Variants in PRKN observed in about 807,000 individuals in gnomAD.
PRKN encodes E3 ubiquitin-protein ligase parkin.
A neutral mutation model predicts 59.5 loss-of-function variants in PRKN; 56 were observed. That is an observed-to-expected ratio of 0.94 (90% CI 0.76 to 1.18). The LOEUF (loss-of-function observed/expected upper bound fraction) is 1.18. Among genes scored for constraint, PRKN ranks in the 50% most tolerant of loss-of-function variants. The pLI is 0.00. For missense variants in PRKN, 657 were observed against 596.4 expected (o/e 1.10, Z -1.06); for synonymous variants, 250 against 222.1 (o/e 1.13, Z -1.12).
chr6:162,439,049 T>A (rs2128165994), intron 2 of PRKN, among the ~76,000 whole-genome samples: 1 of 152,276 alleles, frequency 6.6e-6, no homozygotes, highest in East Asian at 1.9e-4. Flanking sequence ...CTGACTCTTT[T>A]CTCTGTTCCT....
chr6:162,562,534 T>G lies in PRKN; in HGVS notation c.8-119061A>C, dbSNP rs909750230. Among the ~76,000 whole-genome samples, 3 of 152,216 alleles carry G rather than the reference T, an allele frequency of 2.0e-5. No individual in the cohort carries two copies. In the South Asian group the frequency reaches 6.2e-4, roughly 32 times the overall value. Reference sequence around the variant, plus strand: ...AGCTGACTTAAGAGCCTTTGGGCCTTAAGGGAACATCAGGGCTAGTCTGGC... The same window carrying G: ...AGCTGACTTAAGAGCCTTTGGGCCTGAAGGGAACATCAGGGCTAGTCTGGC... On this transcript the variant is annotated intron_variant, in intron 1 of 11. Coordinates refer to ENST00000366898, the MANE Select transcript of PRKN (RefSeq NM_004562.3).
intron 9 of PRKN, among the ~76,000 whole-genome samples, chr6:161,439,814 T>C (rs927222211): frequency 1.3e-5 from 2 of 152,152 alleles, no homozygotes; most frequent in South Asian, 2.1e-4. Flanking sequence ...TACCACATCA[T>C]TGAGTTTAAT....
chr6:161,689,715 AT>A (rs568895291), intron 7 of PRKN, among the ~76,000 whole-genome samples: 49 of 149,452 alleles, frequency 3.3e-4, no homozygotes, highest in African/African-American at 3.7e-4. Flanking sequence ...ATAAAGAAAA[AT>A]TTTTTTTTTT....
At chr6:162,289,318 C>T (rs1268319683) in intron 2 of PRKN, among the ~76,000 whole-genome samples, 2 of 152,150 alleles carry the variant, frequency 1.3e-5, no homozygotes, top group Non-Finnish European at 1.5e-5. Flanking sequence ...GATTAAGGCC[C>T]AGCCTAATGA....
chr6:162,604,491 C>T (rs953107523), intron 1 of PRKN, among the ~76,000 whole-genome samples: 2 of 152,148 alleles, frequency 1.3e-5, no homozygotes, highest in African/African-American at 4.8e-5. Flanking sequence ...TTATCATCTA[C>T]CATATATGTT....
At position 161,529,321 on chromosome 6, in the gene PRKN, C is replaced by T. The variant is rs1268591746; in HGVS notation, c.1083+19533G>A. ...CTGACGGCTGTGTCCCTCCAGCTGCCTCACCTGGGGCCGCAGTAAGCACCA... is the reference window on the plus strand; with the variant it reads ...CTGACGGCTGTGTCCCTCCAGCTGCTTCACCTGGGGCCGCAGTAAGCACCA... On this transcript the variant is annotated intron_variant, in intron 9 of 11. Transcript: ENST00000366898. This position sits in a 1 kb window ranked among gnomAD's most constrained non-coding sequence, Gnocchi z 4.4. 6.6e-6 allele frequency among the ~76,000 whole-genome samples: 1 copy of T among 152,100 alleles called. No homozygotes were observed. Among genetic ancestry groups the T allele is most frequent in the Non-Finnish European group, 1.5e-5 (1 of 68,032 alleles).
chr6:161,506,583 C>A (rs1778179680), intron 9 of PRKN, among the ~76,000 whole-genome samples: 1 of 152,176 alleles, frequency 6.6e-6, no homozygotes, highest in African/African-American at 2.4e-5. Flanking sequence ...GATTGAATGA[C>A]TGCTCTGGGC....
chr6:162,514,150 G>C (rs938596519), intron 1 of PRKN, among the ~76,000 whole-genome samples: 3 of 151,918 alleles, frequency 2.0e-5, no homozygotes, highest in African/African-American at 7.3e-5. Flanking sequence ...TTTTGCAGTA[G>C]ACAAAAAAAT....
chr6:161,838,564 A>G (rs1387858718), intron 6 of PRKN, among the ~76,000 whole-genome samples: 1 of 152,226 alleles, frequency 6.6e-6, no homozygotes, highest in Admixed American at 6.5e-5. Flanking sequence ...TTCAGGCCTC[A>G]GCCTGGATGT....
intron 1 of PRKN, among the ~76,000 whole-genome samples, chr6:162,598,975 T>C (rs1781594560): frequency 6.6e-6 from 1 of 151,892 alleles, no homozygotes; most frequent in Non-Finnish European, 1.5e-5. Context: ...CGTTCAAGAA[T>C]GTAGGTATCA....
chr6:162,293,862 T>C (rs1377708812), intron 2 of PRKN, among the ~76,000 whole-genome samples: 1 of 152,052 alleles, frequency 6.6e-6, no homozygotes, highest in Non-Finnish European at 1.5e-5. Flanking sequence ...GTATTTTTAG[T>C]AGAGATGGGG....
At chr6:161,724,712 G>T (rs575443703) in intron 7 of PRKN, among the ~76,000 whole-genome samples, 1 of 152,286 alleles carries the variant, frequency 6.6e-6, no homozygotes, top group East Asian at 1.9e-4. Context: ...TCTGGGACCA[G>T]TTATATACCC....
At chr6:162,504,739 G>A (rs1423798894) in intron 1 of PRKN, among the ~76,000 whole-genome samples, 1 of 152,088 alleles carries the variant, frequency 6.6e-6, no homozygotes, top group African/African-American at 2.4e-5. Context: ...TGCACGTTTA[G>A]ACAAACTATA....
chr6:162,242,780 T>A (rs554918673), intron 3 of PRKN, among the ~76,000 whole-genome samples: 9 of 152,228 alleles, frequency 5.9e-5, no homozygotes, highest in African/African-American at 1.9e-4. Context: ...CCCAACATAT[T>A]TAGTTTCTGG....
At chr6:161,658,985 C>T (rs1353954719) in intron 7 of PRKN, among the ~76,000 whole-genome samples, 1 of 152,220 alleles carries the variant, frequency 6.6e-6, no homozygotes, top group African/African-American at 2.4e-5. Flanking sequence ...AGGCCCAGTG[C>T]TGAGTCCCTG....
Position 161,379,158 on chromosome 6 carries a change from G to A in PRKN, c.1167+7636C>T, listed in dbSNP as rs1785861211. 6.6e-6 allele frequency among the ~76,000 whole-genome samples: 1 copy of A among 152,102 alleles called. No homozygotes were observed. The highest frequency in any genetic ancestry group is 6.5e-5 in the Admixed American group (1 of 15,274). On this transcript the variant is annotated intron_variant, in intron 10 of 11. Transcript: ENST00000366898. This position sits in a 1 kb window ranked among gnomAD's most constrained non-coding sequence, Gnocchi z 4.9. ...TTTGGCACCCAGGTGGTTCACTGTG[G>A]CATCTCTTGGTCCTCCCCTGCCCAA...
intron 4 of PRKN, among the ~76,000 whole-genome samples, chr6:162,175,367 C>T (rs1214308177): frequency 6.6e-6 from 1 of 152,138 alleles, no homozygotes; most frequent in Non-Finnish European, 1.5e-5. Context: ...CTATTATATT[C>T]CCAGCACCAC....
intron 9 of PRKN, among the ~76,000 whole-genome samples, chr6:161,486,912 T>C (rs1791675896): frequency 6.6e-6 from 1 of 152,230 alleles, no homozygotes; most frequent in Non-Finnish European, 1.5e-5. Context: ...TAGCAGGACC[T>C]GATTTTTCCC....
rs1387457501 is a variant in PRKN, at chr6:162,556,733, G to C, written c.8-113260C>G. 1.6e-5 allele frequency among the ~76,000 whole-genome samples: 2 copies of C among 127,688 alleles called. 1 individual carries two copies. Among genetic ancestry groups the C allele is most frequent in the South Asian group, 5.3e-4 (2 of 3,784 alleles). 83.8% of individuals were successfully genotyped at this position (127,688 alleles called of 152,430 possible). A position where few individuals can be genotyped will look rare whatever the true frequency, so the allele number is the denominator to read the frequency against. On this transcript the variant is annotated intron_variant, in intron 1 of 11. Coordinates refer to ENST00000366898, the MANE Select transcript of PRKN (RefSeq NM_004562.3). Reference sequence around the variant, plus strand: ...CTGCACTCCAACCAGGTGACAGAGCGAGACTCCATCTCAAAAAAAAAAAAA... The same window carrying C: ...CTGCACTCCAACCAGGTGACAGAGCCAGACTCCATCTCAAAAAAAAAAAAA...
Sources: allele counts gnomAD v4.1 joint callset (sites outside exome capture counted in the v4.1 genomes callset), GRCh38; gene constraint gnomAD v4.1.1; non-coding constraint Gnocchi (gnomAD v3.1); transcripts MANE v1.5; gene names NCBI Gene and HGNC (gene_info 2026-07-23, HGNC 2026-07-21).